INTS8: variants seen among roughly 807,000 people sequenced by gnomAD.
INTS8 encodes the protein protein kaonashi-1.
In INTS8, 47 loss-of-function variants were observed where a neutral mutation model predicts 138.9. The ratio of observed to expected loss-of-function variants is 0.34; its 90% CI spans 0.27 to 0.43. The LOEUF (loss-of-function observed/expected upper bound fraction) is 0.43, where lower values mean the gene tolerates loss of function less well. Ranked by LOEUF, INTS8 falls within the 20% of genes least tolerant of loss-of-function variation. The pLI is 1.00. For missense variants in INTS8, 996 were observed against 1,173.0 expected, an observed-to-expected ratio of 0.85 and a Z score of 2.20; for synonymous variants, 392 against 400.9, an observed-to-expected ratio of 0.98 and a Z score of 0.27.
intron 5 of INTS8, among the ~76,000 whole-genome samples, chr8:94,829,946 C>T (rs1395992323): frequency 3.3e-5 from 5 of 152,098 alleles, no homozygotes; most frequent in East Asian, 1.9e-4. Flanking sequence ...GTTACCAGGC[C>T]GGAGTGCAGT....
At chr8:94,839,674 C>G (rs1279226312) in intron 8 of INTS8, among the ~76,000 whole-genome samples, 3 of 152,210 alleles carry the variant, frequency 2.0e-5, no homozygotes, top group African/African-American at 7.2e-5. Flanking sequence ...CTAGAGCTCT[C>G]TCAGTTATAG....
In INTS8 at chr8:94,880,229, T is replaced by C. The variant is rs754532327; in HGVS notation, c.2983T>C (p.Phe995Leu). 1.9e-6 allele frequency: 3 copies of C among 1,566,166 alleles called. No individual in the cohort carries two copies. The highest frequency in any genetic ancestry group is 2.3e-5 in the South Asian group (2 of 86,960). Reference sequence around the variant, plus strand: ...TCTCCAAGCAATGGCAAAACTTTACTTTTAAGCAGTTAAATTTTTTTAACT... The same window carrying C: ...TCTCCAAGCAATGGCAAAACTTTACCTTTAAGCAGTTAAATTTTTTTAACT... ...KFLQAMAKLY[F>L] The change falls in exon 27 of 27, where the codon TTT (phenylalanine) becomes CTT (leucine). Residue 995 changes from phenylalanine to leucine, a missense_variant. Transcript: ENST00000523731.
At chr8:94,852,514 G>A (rs1815582708) in intron 13 of INTS8, among the ~76,000 whole-genome samples, 1 of 151,972 alleles carries the variant, frequency 6.6e-6, no homozygotes, top group African/African-American at 2.4e-5. Context: ...AAGCAATATG[G>A]TAATGCTCGT....
intron 26 of INTS8, 81 bp from the exon 27 acceptor site, chr8:94,880,037 G>A (rs751146737): frequency 2.7e-5 from 24 of 874,978 alleles, no homozygotes; most frequent in Non-Finnish European, 4.1e-5. Flanking sequence ...TTGTTAGCAC[G>A]TAGGTAGCTT....
At chr8:94,855,559 C>T (rs1296326714) in intron 14 of INTS8, among the ~76,000 whole-genome samples, 1 of 152,150 alleles carries the variant, frequency 6.6e-6, no homozygotes, top group Non-Finnish European at 1.5e-5. Context: ...ATAACATTTA[C>T]TGGGCACAGA....
chr8:94,823,369 C>T lies in INTS8; in HGVS notation c.-63C>T. The T allele has an allele frequency of 1.3e-6, 2 of 1,503,752 alleles. No individual in the cohort carries two copies. The highest frequency in any genetic ancestry group is 2.5e-5 in the East Asian group (1 of 40,560). 93.2% of individuals were successfully genotyped at this position (1,503,752 alleles called of 1,614,324 possible). A position where few individuals can be genotyped will look rare whatever the true frequency, so the allele number is the denominator to read the frequency against. The stretch of plus-strand genomic sequence containing the variant: ...GGTTCCGCATACCCCAGGCACCGGC[C>T]CGCATCCAAGTGTCAGGTTGGAGCC... On this transcript the variant is annotated 5_prime_UTR_variant, in exon 1 of 27. Transcript: ENST00000523731.
At chr8:94,870,908 A>G (rs975885902) in intron 20 of INTS8, among the ~76,000 whole-genome samples, 1 of 151,998 alleles carries the variant, frequency 6.6e-6, no homozygotes, top group Non-Finnish European at 1.5e-5. Flanking sequence ...TTCTCTTCAC[A>G]GTTCAATCTT....
At chr8:94,832,206 A>G (rs777270426) in intron 6 of INTS8, 32 bp downstream of exon 6, 4 of 1,554,192 alleles carry the variant, frequency 2.6e-6, no homozygotes, top group Non-Finnish European at 3.5e-6. Flanking sequence ...TACGTAGGGC[A>G]ATTTTTTGGA....
chr8:94,834,161 G>A (rs917149879), intron 6 of INTS8, among the ~76,000 whole-genome samples: 2 of 152,098 alleles, frequency 1.3e-5, no homozygotes, highest in African/African-American at 4.8e-5. Flanking sequence ...AGGCCTTAAT[G>A]CCCTTCAGGG....
At chr8:94,839,460 G>A (rs749063301) in intron 8 of INTS8, among the ~76,000 whole-genome samples, 3 of 152,138 alleles carry the variant, frequency 2.0e-5, no homozygotes, top group Non-Finnish European at 4.4e-5. Context: ...TTAGTTTTGT[G>A]TCTCCAATTG....
intron 1 of INTS8, among the ~76,000 whole-genome samples, chr8:94,823,957 G>A (rs934712784): frequency 1.3e-5 from 2 of 152,146 alleles, no homozygotes; most frequent in Non-Finnish European, 2.9e-5. Flanking sequence ...CAGCTGTTGG[G>A]TGTTGATCGT....
Position 94,853,798 on chromosome 8 carries a change from C to A in INTS8, c.1642-7C>A, listed in dbSNP as rs747488669. On this transcript the variant is annotated splice_region_variant and splice_polypyrimidine_tract_variant and intron_variant, in intron 13 of 26. Coordinates refer to ENST00000523731, the MANE Select transcript of INTS8 (RefSeq NM_017864.4). Reference sequence around the variant, plus strand: ...GCATATATATATGTATTTTTTGTTTCTTTTAGTGGGAAGTACCTTCTGTCT... The same window carrying A: ...GCATATATATATGTATTTTTTGTTTATTTTAGTGGGAAGTACCTTCTGTCT... 1.3e-6 allele frequency: 2 copies of A among 1,540,584 alleles called. No homozygotes were observed. The highest frequency in any genetic ancestry group is 1.8e-6 in the Non-Finnish European group (2 of 1,114,972).
chr8:94,841,803 C>T (rs1427484767), intron 9 of INTS8, among the ~76,000 whole-genome samples: 1 of 152,122 alleles, frequency 6.6e-6, no homozygotes. Flanking sequence ...CGAGGTGTCT[C>T]ATGCCTATAA....
chr8:94,867,575 A>G (rs965499826), intron 20 of INTS8: 3 of 378,632 alleles, frequency 7.9e-6, no homozygotes, highest in Non-Finnish European at 1.4e-5. Context: ...CCAGGCTGGA[A>G]TGCAGTGGTA....
At chr8:94,846,902 C>A (rs1009412789) in intron 10 of INTS8, among the ~76,000 whole-genome samples, 5 of 152,148 alleles carry the variant, frequency 3.3e-5, no homozygotes, top group African/African-American at 7.2e-5. Flanking sequence ...AATTGATTTT[C>A]AAGTGTTAAA....
chr8:94,842,291 A>G lies in INTS8; in HGVS notation c.1119-56A>G, dbSNP rs988933461. 1.8e-5 allele frequency: 22 copies of G among 1,214,240 alleles called. No individual in the cohort carries two copies. In the African/African-American group the frequency reaches 3.1e-4, roughly 17 times the overall value. The allele number at this position is 1,214,240 out of a possible 1,614,324, so 75.2% of individuals were successfully genotyped here. ...TCTTGTGAATATAGTTGTATAATAT[A>G]CACCTTTCTTTTGTAGTAAAAATAA... is the stretch of plus-strand genomic sequence containing the variant. On this transcript the variant is annotated intron_variant, in intron 9 of 26. Coordinates refer to ENST00000523731, the MANE Select transcript of INTS8 (RefSeq NM_017864.4).
intron 8 of INTS8, among the ~76,000 whole-genome samples, chr8:94,840,611 G>T (rs1324075861): frequency 7.0e-6 from 1 of 142,192 alleles, no homozygotes; most frequent in Non-Finnish European, 1.5e-5. Context: ...AGGCTGGAGT[G>T]CAGTGGCACG....
At chr8:94,830,089 T>C (rs1012043308) in intron 5 of INTS8, among the ~76,000 whole-genome samples, 1 of 152,044 alleles carries the variant, frequency 6.6e-6, no homozygotes, top group Non-Finnish European at 1.5e-5. Flanking sequence ...TAGAGACGGG[T>C]TTCACCGTGT....
intron 18 of INTS8, 123 bp downstream of exon 18, chr8:94,866,314 A>G (rs1432861410): frequency 6.1e-6 from 4 of 651,534 alleles, no homozygotes; most frequent in Non-Finnish European, 8.6e-6. Context: ...TTTTTAAGGG[A>G]CAGGGTCTTG....
Sources: allele counts gnomAD v4.1 joint callset (sites outside exome capture counted in the v4.1 genomes callset), GRCh38; gene constraint gnomAD v4.1.1; transcripts MANE v1.5; gene names NCBI Gene and HGNC (gene_info 2026-07-23, HGNC 2026-07-21).